OXR1: variants seen among roughly 807,000 people sequenced by gnomAD.
The protein encoded by OXR1 is oxidation resistance protein 1.
Under a neutral mutation model 104.6 loss-of-function variants are expected in OXR1, and 41 were observed. The ratio of observed to expected loss-of-function variants is 0.39; its 90% CI spans 0.31 to 0.51. The LOEUF is 0.51. Among genes scored for constraint, OXR1 ranks in the 20% least tolerant of loss-of-function variants. The probability of loss-of-function intolerance (pLI) is 0.77; values close to 1 mark genes in which losing one functional copy is unlikely to be tolerated. For synonymous variants in OXR1, 348 were observed against 348.4 expected, an observed-to-expected ratio of 1.00 and a Z score of 0.01; for missense variants, 955 against 1,031.9, an observed-to-expected ratio of 0.93 and a Z score of 1.02.
At chr8:106,359,757 G>A in intron 2 of OXR1, 121 bp downstream of exon 2, 1 of 733,574 alleles carries the variant, frequency 1.4e-6, no homozygotes, top group South Asian at 1.5e-5. Context: ...GGTTTCCAAA[G>A]ATTATTGTCC....
intron 1 of OXR1, among the ~76,000 whole-genome samples, chr8:106,277,897 G>A (rs931089393): frequency 6.6e-6 from 1 of 152,202 alleles, no homozygotes; most frequent in Non-Finnish European, 1.5e-5. Context: ...ATAGTGGCTG[G>A]AAAGGTGGAA....
intron 2 of OXR1, among the ~76,000 whole-genome samples, chr8:106,454,341 G>T (rs1820483977): frequency 6.6e-6 from 1 of 151,700 alleles, no homozygotes; most frequent in Non-Finnish European, 1.5e-5. Context: ...TGCACCTGTA[G>T]TCCCAGCTAC....
intron 2 of OXR1, among the ~76,000 whole-genome samples, chr8:106,475,354 T>C (rs1404300198): frequency 6.6e-6 from 1 of 151,964 alleles, no homozygotes; most frequent in East Asian, 1.9e-4. Flanking sequence ...TAATATTTAT[T>C]AAGTGGAAGT....
intron 1 of OXR1, among the ~76,000 whole-genome samples, chr8:106,337,645 G>A (rs1815020151): frequency 6.6e-6 from 1 of 152,158 alleles, no homozygotes; most frequent in South Asian, 2.1e-4. Flanking sequence ...TTGTCAGAAT[G>A]TGTTATATGT....
chr8:106,595,550 C>CAAAAAAAAAAAA (rs67790797), intron 3 of OXR1, among the ~76,000 whole-genome samples: 18 of 60,608 alleles, frequency 3.0e-4, no homozygotes, highest in East Asian at 6.0e-4. Flanking sequence ...AACTCCGTCT[C>CAAAAAAAAAAAA]AAAAAAAAAA....
intron 11 of OXR1, among the ~76,000 whole-genome samples, chr8:106,723,695 A>C (rs1025724220): frequency 6.7e-6 from 1 of 148,980 alleles, no homozygotes; most frequent in African/African-American, 2.5e-5. Flanking sequence ...AACAAACAAA[A>C]AACCTCTAAT....
intron 11 of OXR1, among the ~76,000 whole-genome samples, chr8:106,715,366 G>A (rs1013048805): frequency 4.0e-5 from 6 of 149,928 alleles, no homozygotes; most frequent in Non-Finnish European, 5.9e-5. Flanking sequence ...TACTCTCAGT[G>A]GTGGTTACTT....
At chr8:106,722,084 A>T (rs1371448399) in intron 11 of OXR1, among the ~76,000 whole-genome samples, 1 of 152,182 alleles carries the variant, frequency 6.6e-6, no homozygotes, top group Non-Finnish European at 1.5e-5. Flanking sequence ...TCCTAAGCTG[A>T]CAGGCAGTGA....
chr8:106,735,025 C>G (rs1206506404), intron 11 of OXR1, among the ~76,000 whole-genome samples: 2 of 152,070 alleles, frequency 1.3e-5, no homozygotes, highest in Non-Finnish European at 2.9e-5. Flanking sequence ...TAGGTTTAAT[C>G]TTTTGGGTAA....
chr8:106,499,907 C>T (rs1471337983), intron 2 of OXR1, among the ~76,000 whole-genome samples: 3 of 152,164 alleles, frequency 2.0e-5, no homozygotes, highest in Admixed American at 2.0e-4. Flanking sequence ...AAATCATTGC[C>T]TGAATAATTA....
At chr8:106,733,542 T>A (rs775481036) in intron 11 of OXR1, among the ~76,000 whole-genome samples, 1 of 152,208 alleles carries the variant, frequency 6.6e-6, no homozygotes, top group Non-Finnish European at 1.5e-5. Context: ...TCTCTTAGCA[T>A]CTCAGTTATA....
chr8:106,295,212 A>C (rs556346692), intron 1 of OXR1, among the ~76,000 whole-genome samples: 1 of 152,348 alleles, frequency 6.6e-6, no homozygotes, highest in Admixed American at 6.5e-5. Context: ...GGCTAATGAC[A>C]GTCCAAGGTA....
chr8:106,652,096 C>T (rs1206419932), intron 3 of OXR1, among the ~76,000 whole-genome samples: 1 of 152,010 alleles, frequency 6.6e-6, no homozygotes, highest in Non-Finnish European at 1.5e-5. Flanking sequence ...GCAGGGGTAT[C>T]TCTTTCTAAT....
chr8:106,404,896 G>T (rs191857749), intron 2 of OXR1, among the ~76,000 whole-genome samples: 3 of 151,888 alleles, frequency 2.0e-5, no homozygotes, highest in Middle Eastern at 3.4e-3. Context: ...TAGTAGAGAC[G>T]GGGTTTCACC....
At chr8:106,624,228 A>G (rs1040842309) in intron 3 of OXR1, among the ~76,000 whole-genome samples, 1 of 152,236 alleles carries the variant, frequency 6.6e-6, no homozygotes, top group African/African-American at 2.4e-5. Context: ...CTTTGATAAA[A>G]GGGCATAGTG....
At chr8:106,637,074 G>A (rs1823200152) in intron 3 of OXR1, among the ~76,000 whole-genome samples, 1 of 152,084 alleles carries the variant, frequency 6.6e-6, no homozygotes, top group African/African-American at 2.4e-5. Context: ...TTGGCATACT[G>A]CAAACATGCC....
At chr8:106,540,701 C>T (rs1814886091) in intron 3 of OXR1, among the ~76,000 whole-genome samples, 1 of 152,144 alleles carries the variant, frequency 6.6e-6, no homozygotes, top group South Asian at 2.1e-4. Flanking sequence ...CAGAGTTCCA[C>T]GTGGCTGGGG....
At chr8:106,488,695 G>T (rs991548921) in intron 2 of OXR1, among the ~76,000 whole-genome samples, 3 of 143,198 alleles carry the variant, frequency 2.1e-5, no homozygotes, top group Non-Finnish European at 4.6e-5. Context: ...TTTCCCCATT[G>T]CTTGTTTTTC....
chr8:106,428,503 T>C (rs1819225146), intron 2 of OXR1, among the ~76,000 whole-genome samples: 1 of 152,140 alleles, frequency 6.6e-6, no homozygotes, highest in Non-Finnish European at 1.5e-5. Context: ...TTGGAATGGA[T>C]ATGGAGGCCA....
Sources: gnomAD v4.1 joint callset for allele counts (sites outside exome capture counted in the v4.1 genomes callset) on GRCh38, gnomAD v4.1.1 for gene constraint, MANE v1.5 for transcripts, NCBI Gene and HGNC (gene_info 2026-07-23, HGNC 2026-07-21) for gene names.